The following ENPP1 variants were observed in gnomAD, a reference collection of about 807,000 sequenced individuals.
The protein encoded by ENPP1 is ectonucleotide pyrophosphatase/phosphodiesterase 1, also known as ectonucleotide pyrophosphatase/phosphodiesterase family member 1.
Under a neutral mutation model 122.8 loss-of-function variants are expected in ENPP1, and 73 were observed. The ratio of observed to expected loss-of-function variants is 0.59; its 90% CI spans 0.49 to 0.72. The LOEUF (loss-of-function observed/expected upper bound fraction) is 0.72. Ranked by LOEUF, ENPP1 falls within the 30% of genes least tolerant of loss-of-function variation. The pLI is 0.00. For synonymous variants in ENPP1, 367 were observed against 391.6 expected (o/e 0.94, Z 0.74); for missense variants, 978 against 1,128.1 (o/e 0.87, Z 1.91).
intron 13 of ENPP1, 107 bp from the exon 14 acceptor site, chr6:131,871,963 C>T: frequency 1.2e-6 from 1 of 860,360 alleles, no homozygotes. Flanking sequence ...TTAAAACCTG[C>T]CTTGGTATTT....
intron 1 of ENPP1, chr6:131,820,023 TA>T: frequency 3.6e-6 from 2 of 560,686 alleles, no homozygotes; most frequent in South Asian, 3.0e-5. Flanking sequence ...AGAAATCTGT[TA>T]TCAAAGATAA....
At chr6:131,847,705 CTAAAAA>C in intron 1 of ENPP1, 65 bp from the exon 2 acceptor site, 1 of 1,143,002 alleles carries the variant, frequency 8.7e-7, no homozygotes, top group Admixed American at 2.0e-5. Flanking sequence ...GACACTATCT[CTAAAAA>C]TAAAAAATAA....
In ENPP1 at chr6:131,882,970, G is replaced by GT. The variant is rs549150164; in HGVS notation, c.2230+499dup. ...ACTTTGTTGTTTAAAAAGAAAATGC[G>GT]TTTGTCAGAGAAGTAGGTAAAGGTA... On this transcript the variant is annotated intron_variant, in intron 21 of 24. Coordinates refer to ENST00000647893, the MANE Select transcript of ENPP1 (RefSeq NM_006208.3). 2.4e-3 allele frequency among the ~76,000 whole-genome samples: 362 copies of GT among 152,170 alleles called. 3 individuals are homozygous for GT. Among genetic ancestry groups the GT allele is most frequent in the Non-Finnish European group, 4.5e-3 (307 of 67,996 alleles).
chr6:131,839,231 T>G (rs899518810), intron 1 of ENPP1, among the ~76,000 whole-genome samples: 5 of 152,204 alleles, frequency 3.3e-5, no homozygotes, highest in South Asian at 2.1e-4. Context: ...GTTTTGTATA[T>G]GTCTTTTTGA....
chr6:131,865,035 T>A (rs1782072136), intron 11 of ENPP1, 97 bp downstream of exon 11: 5 of 805,842 alleles, frequency 6.2e-6, no homozygotes, highest in African/African-American at 1.7e-5. Flanking sequence ...TAAGATTCTA[T>A]CATTTCTGGA....
chr6:131,854,822 G>C (rs748664355), intron 5 of ENPP1, 104 bp from the exon 6 acceptor site: 4 of 807,388 alleles, frequency 5.0e-6, no homozygotes, highest in Non-Finnish European at 8.7e-6. Context: ...ACAGACCTTA[G>C]TGGAAAATCT....
intron 1 of ENPP1, among the ~76,000 whole-genome samples, chr6:131,821,559 C>T (rs1781484771): frequency 6.6e-6 from 1 of 152,194 alleles, no homozygotes; most frequent in South Asian, 2.1e-4. Flanking sequence ...CTCTGTCTTT[C>T]AGGAACCTGC....
chr6:131,846,134 T>C (rs1360958462), intron 1 of ENPP1, among the ~76,000 whole-genome samples: 1 of 152,206 alleles, frequency 6.6e-6, no homozygotes, highest in Non-Finnish European at 1.5e-5. Flanking sequence ...TATTACTGAA[T>C]GTCCAGTACA....
intron 6 of ENPP1, 68 bp from the exon 7 acceptor site, chr6:131,858,600 C>T: frequency 1.0e-6 from 1 of 971,484 alleles, no homozygotes; most frequent in Non-Finnish European, 1.6e-6. Flanking sequence ...GCTGTGGTAC[C>T]ACTGCTAAAT....
intron 8 of ENPP1, among the ~76,000 whole-genome samples, chr6:131,861,171 A>G (rs1782018706): frequency 6.6e-6 from 1 of 152,162 alleles, no homozygotes; most frequent in South Asian, 2.1e-4. Context: ...AATGTAGATA[A>G]TATTGTTTAC....
intron 1 of ENPP1, among the ~76,000 whole-genome samples, chr6:131,811,419 TATATC>T (rs1444991386): frequency 2.0e-5 from 3 of 149,602 alleles, no homozygotes; most frequent in African/African-American, 7.6e-5. Flanking sequence ...TATCTATATC[TATATC>T]TATATCTATA....
chr6:131,888,776 C>T (rs1782421988), intron 24 of ENPP1, among the ~76,000 whole-genome samples: 1 of 152,190 alleles, frequency 6.6e-6, no homozygotes, highest in Non-Finnish European at 1.5e-5. Flanking sequence ...AAACATGCAG[C>T]TATTCCCTGC....
intron 1 of ENPP1, among the ~76,000 whole-genome samples, chr6:131,814,138 G>T (rs1423415346): frequency 6.6e-6 from 1 of 152,138 alleles, no homozygotes; most frequent in East Asian, 1.9e-4. Context: ...ATCTCAATGA[G>T]CTTCAACCAC....
At chr6:131,842,217 T>C (rs527458595) in intron 1 of ENPP1, among the ~76,000 whole-genome samples, 1 of 152,320 alleles carries the variant, frequency 6.6e-6, no homozygotes, top group Non-Finnish European at 1.5e-5. Flanking sequence ...TATAAAACTC[T>C]TAGAAAAGTG....
rs916288373 is a variant in ENPP1, at chr6:131,892,160, A to T, written c.*1649A>T. 2.0e-5 allele frequency: 3 copies of T among 151,904 alleles called. No individual in the cohort carries two copies. The highest frequency in any genetic ancestry group is 4.4e-5 in the Non-Finnish European group (3 of 67,956). 9.4% of individuals were successfully genotyped at this position (151,904 alleles called of 1,614,324 possible). A position where few individuals can be genotyped will look rare whatever the true frequency, so the allele number is the denominator to read the frequency against. On this transcript the variant is annotated 3_prime_UTR_variant, in exon 25 of 25. Coordinates refer to ENST00000647893, the MANE Select transcript of ENPP1 (RefSeq NM_006208.3). Reference sequence around the variant, plus strand: ...TGCATCTACTGATGGTCTTTTTTCCATTCGGAAACATTTTCCTGTTTCTTG... The same window carrying T: ...TGCATCTACTGATGGTCTTTTTTCCTTTCGGAAACATTTTCCTGTTTCTTG...
At chr6:131,878,441 T>C in intron 18 of ENPP1, 101 bp from the exon 19 acceptor site, 2 of 772,812 alleles carry the variant, frequency 2.6e-6, no homozygotes, top group Admixed American at 2.0e-5. Context: ...TCATAAATGA[T>C]CTTTGTTCTA....
intron 24 of ENPP1, among the ~76,000 whole-genome samples, chr6:131,887,320 ATTATC>A (rs1782393610): frequency 1.3e-5 from 2 of 151,668 alleles, no homozygotes; most frequent in South Asian, 4.2e-4. Context: ...ATTGTTTTAT[ATTATC>A]TTATTTGCTC....
chr6:131,811,018 G>C (rs975289026), intron 1 of ENPP1, among the ~76,000 whole-genome samples: 11 of 152,088 alleles, frequency 7.2e-5, no homozygotes, highest in African/African-American at 2.7e-4. Flanking sequence ...CTCTACATGT[G>C]TCAGTAGGTA....
chr6:131,884,451 A>C (rs1300629425), intron 22 of ENPP1, among the ~76,000 whole-genome samples: 4 of 152,210 alleles, frequency 2.6e-5, no homozygotes, highest in Non-Finnish European at 5.9e-5. Context: ...CCAAAGCTGA[A>C]CAATGAATTT....
Sources: gnomAD v4.1 joint callset for allele counts (sites outside exome capture counted in the v4.1 genomes callset) on GRCh38, gnomAD v4.1.1 for gene constraint, MANE v1.5 for transcripts, NCBI Gene and HGNC (gene_info 2026-07-23, HGNC 2026-07-21) for gene names.